Variants in COMT observed in about 807,000 individuals in gnomAD.
COMT encodes catechol O-methyltransferase.
COMT carries 13 observed loss-of-function variants against 18.9 expected under a neutral mutation model. The ratio of observed to expected loss-of-function variants is 0.69; its 90% confidence interval spans 0.45 to 1.09. COMT has a LOEUF of 1.09. COMT is among the 50% of genes least tolerant of loss of function. The pLI is 0.00. For synonymous variants in COMT, 150 were observed against 160.9 expected (o/e 0.93, Z 0.51); for missense variants, 329 against 361.8 (o/e 0.91, Z 0.73).
intron 1 of COMT, among the ~76,000 whole-genome samples, chr22:19,956,655 C>T (rs1011923134): frequency 9.2e-5 from 14 of 152,078 alleles, no homozygotes; most frequent in African/African-American, 3.4e-4. Context: ...GGATTACAGG[C>T]GTAAGCCACC....
rs13306277 is a variant in COMT, at chr22:19,968,414, G to A, written c.616-122G>A. 3 of 957,924 alleles carry A rather than the reference G, an allele frequency of 3.1e-6. No homozygotes were observed. The East Asian group carries it at 7.9e-5, about 25-fold the overall frequency. 59.3% of individuals were successfully genotyped at this position (957,924 alleles called of 1,614,324 possible). On this transcript the variant is annotated intron_variant, in intron 5 of 5. Coordinates refer to ENST00000361682, the MANE Select transcript of COMT (RefSeq NM_000754.4). ...CACGCTGGGCAGAAAGTGGAAACCT[G>A]GCCCCAGGGGCTAGGCACAGGCGTG...
Position 19,963,672 on chromosome 22 carries a change from A to C in COMT, c.396A>C (p.Pro132=), listed in dbSNP as rs763613355. Residue 132 remains proline (P), a synonymous_variant, in exon 4 of 6, where the codon CCA becomes CCC. Transcript: ENST00000361682. ...SAVRMARLLS[P]GARLITIEIN... ...TGCGCATGGCCCGCCTGCTGTCACC[A>C]GGGGCGAGGCTCATCACCATCGAGA... is the stretch of plus-strand genomic sequence containing the variant. 1 of 1,612,896 alleles carries C rather than the reference A, an allele frequency of 6.2e-7. No homozygotes were observed. Among genetic ancestry groups the C allele is most frequent in the Admixed American group, 1.7e-5 (1 of 60,006 alleles).
At chr22:19,943,386 G>A (rs1941778167) in intron 1 of COMT, among the ~76,000 whole-genome samples, 1 of 152,222 alleles carries the variant, frequency 6.6e-6, no homozygotes, top group Non-Finnish European at 1.5e-5. Context: ...AGTGGCTCAT[G>A]TCTGTAATCC....
chr22:19,965,557 G>A (rs565954323), intron 5 of COMT: 1 of 152,316 alleles, frequency 6.6e-6, no homozygotes, highest in African/African-American at 2.4e-5. Flanking sequence ...GGCCAGGATG[G>A]TCTCAATATC....
intron 1 of COMT, among the ~76,000 whole-genome samples, chr22:19,957,625 G>A (rs181626135): frequency 1.1e-4 from 16 of 152,336 alleles, no homozygotes; most frequent in South Asian, 4.1e-4. Flanking sequence ...TGTCCTGGCC[G>A]CACTGTGAGG....
At chr22:19,943,914 C>G (rs974300738) in intron 1 of COMT, among the ~76,000 whole-genome samples, 1 of 152,072 alleles carries the variant, frequency 6.6e-6, no homozygotes, top group African/African-American at 2.4e-5. Context: ...GGGGGTCTTC[C>G]TGGGCGGCCT....
rs1170029181 is a variant in COMT at position 19,969,717 on chromosome 22, G to A, written c.*981G>A. 13 of 537,202 alleles carry A rather than the reference G, an allele frequency of 2.4e-5. No homozygotes were observed. Among genetic ancestry groups the A allele is most frequent in the East Asian group, 1.5e-4 (1 of 6,754 alleles). 33.3% of individuals were successfully genotyped at this position (537,202 alleles called of 1,614,324 possible). A position where few individuals can be genotyped will look rare whatever the true frequency, so the allele number is the denominator to read the frequency against. ...CCCACTCCTATGGATAGACAGACCA[G>A]TGAGCCCAAGTGGACAAGTTTGGGG... On this transcript the variant is annotated 3_prime_UTR_variant, in exon 6 of 6. Transcript: ENST00000361682.
chr22:19,968,634 C>CT lies in COMT; in HGVS notation c.717dup (p.Glu240Ter). The CT allele has an allele frequency of 6.2e-7, 1 of 1,614,074 alleles. No individual in the cohort carries two copies. Among genetic ancestry groups the CT allele is most frequent in the Non-Finnish European group, 8.5e-7 (1 of 1,180,010 alleles). On this transcript the variant is annotated frameshift_variant, in exon 6 of 6. Transcript: ENST00000361682. LOFTEE classifies it low-confidence loss of function (END_TRUNC). ...TAGCACACGTGCGCGGGAGCAGCTG[C>CT]TTTGAGTGCACACACTACCAATCGT...
At chr22:19,958,883 C>A (rs772436443) in intron 1 of COMT, among the ~76,000 whole-genome samples, 8 of 151,954 alleles carry the variant, frequency 5.3e-5, no homozygotes, top group Non-Finnish European at 1.0e-4. Context: ...CAGAGTGAGA[C>A]CCTGTTTCAA....
At chr22:19,962,954 G>T (rs1601527894) in intron 3 of COMT, 139 bp downstream of exon 3, 2 of 1,139,426 alleles carry the variant, frequency 1.8e-6, no homozygotes, top group Non-Finnish European at 2.4e-6. Context: ...GGGCTGGGGG[G>T]CTCCTCTGGA....
intron 1 of COMT, among the ~76,000 whole-genome samples, chr22:19,952,233 A>G (rs1437843564): frequency 6.6e-6 from 1 of 152,240 alleles, no homozygotes; most frequent in Admixed American, 6.5e-5. Flanking sequence ...CTGGAGCCCA[A>G]GAGTTCAAGG....
chr22:19,967,300 C>T, intron 5 of COMT: 17 of 1,059,872 alleles, frequency 1.6e-5, no homozygotes, highest in Non-Finnish European at 2.1e-5. Flanking sequence ...CTGGCCCAGA[C>T]TGGAAGGCAG....
intron 1 of COMT, chr22:19,942,138 T>A: frequency 3.5e-6 from 1 of 284,724 alleles, no homozygotes; most frequent in Non-Finnish European, 6.5e-6. Context: ...AAAGCTGAGG[T>A]TGAAGATCTG....
intron 5 of COMT, among the ~76,000 whole-genome samples, chr22:19,966,299 C>T (rs943247511): frequency 2.0e-5 from 3 of 152,020 alleles, no homozygotes; most frequent in Non-Finnish European, 2.9e-5. Flanking sequence ...CTGTGAGCAT[C>T]GGAGGCACGA....
At chr22:19,960,552 T>C (rs1354205286) in intron 1 of COMT, among the ~76,000 whole-genome samples, 1 of 152,224 alleles carries the variant, frequency 6.6e-6, no homozygotes, top group Non-Finnish European at 1.5e-5. Flanking sequence ...TGGCACGTCC[T>C]GCCCCGCTGG....
intron 5 of COMT, among the ~76,000 whole-genome samples, chr22:19,966,712 AG>A (rs1942417453): frequency 6.6e-6 from 1 of 151,962 alleles, no homozygotes; most frequent in Non-Finnish European, 1.5e-5. Context: ...AAGTGCTGGG[AG>A]TACAGGTGTG....
At chr22:19,963,151 T>G (rs1942240522) in intron 3 of COMT, among the ~76,000 whole-genome samples, 1 of 152,048 alleles carries the variant, frequency 6.6e-6, no homozygotes. Flanking sequence ...CCGCTTGAAC[T>G]TCAGCCTGGG....
intron 1 of COMT, among the ~76,000 whole-genome samples, chr22:19,953,127 G>C (rs1010714452): frequency 3.9e-5 from 6 of 152,246 alleles, no homozygotes; most frequent in Admixed American, 3.9e-4. Flanking sequence ...TCTTTGTCCA[G>C]GCTGCTGCCA....
At chr22:19,962,496 G>A in intron 2 of COMT, 31 bp from the exon 3 acceptor site, 1 of 1,546,464 alleles carries the variant, frequency 6.5e-7, no homozygotes, top group African/African-American at 1.4e-5. Context: ...GGAGCACAGA[G>A]CACTGGCGCC....
Sources: gnomAD v4.1 joint callset for allele counts (sites outside exome capture counted in the v4.1 genomes callset) on GRCh38, gnomAD v4.1.1 for gene constraint, MANE v1.5 for transcripts, NCBI Gene and HGNC (gene_info 2026-07-23, HGNC 2026-07-21) for gene names.